Variants in RASGRF1 observed in about 807,000 individuals in gnomAD.
RASGRF1 encodes the protein Ras protein specific guanine nucleotide releasing factor 1, also known as ras-specific guanine nucleotide-releasing factor 1.
RASGRF1 carries 40 observed loss-of-function variants against 138.7 expected under a neutral mutation model. The ratio of observed to expected loss-of-function variants is 0.29; its 90% CI spans 0.22 to 0.38. RASGRF1 has a LOEUF of 0.38. Ranked by LOEUF, RASGRF1 falls within the 10% of genes least tolerant of loss-of-function variation. RASGRF1 has a pLI of 1.00. For synonymous variants in RASGRF1, 614 were observed against 663.2 expected (o/e 0.93, Z 1.14); for missense variants, 1,108 against 1,650.4 (o/e 0.67, Z 5.69).
At chr15:79,017,661 C>T in intron 12 of RASGRF1, 109 bp downstream of exon 12, 1 of 1,324,312 alleles carries the variant, frequency 7.6e-7, no homozygotes, top group Non-Finnish European at 1.0e-6. Context: ...CTCTGTAGAA[C>T]AGTGCAGCTA....
chr15:79,059,231 T>A (rs1436651692), intron 2 of RASGRF1, among the ~76,000 whole-genome samples: 1 of 103,160 alleles, frequency 9.7e-6, no homozygotes, highest in African/African-American at 4.5e-5. Flanking sequence ...ATCCTTCCCT[T>A]CCCTTCCCTT....
chr15:78,995,874 A>G (rs779617243), intron 19 of RASGRF1, 74 bp from the exon 20 acceptor site: 70 of 1,447,272 alleles, frequency 4.8e-5, no homozygotes, highest in Non-Finnish European at 6.7e-5. Flanking sequence ...GGACAGCCCC[A>G]CACGGCCTCT....
rs768938427 is a variant in RASGRF1, at chr15:79,025,386, T to G, written c.1470A>C (p.Arg490=). 11 of 1,613,950 alleles carry G rather than the reference T, an allele frequency of 6.8e-6. No individual in the cohort carries two copies. The highest frequency in any genetic ancestry group is 5.0e-5 in the Admixed American group (3 of 59,982). ...GATGCTTAGAAAACAGGAAGCACTG[T>G]CGCTCGCCCTCTTTCTTTAGGGAGA... The part of the protein sequence containing the change: ...GSLSLKKEGE[R]QCFLFSKHLI... The change falls in exon 10 of 27, where the codon CGA becomes CGC. Residue 490 remains arginine (R), a synonymous_variant. Coordinates refer to ENST00000558480, the MANE Select transcript of RASGRF1 (RefSeq NM_001145648.3).
At chr15:79,076,049 G>C (rs2057829215) in intron 1 of RASGRF1, among the ~76,000 whole-genome samples, 1 of 152,254 alleles carries the variant, frequency 6.6e-6, no homozygotes, top group African/African-American at 2.4e-5. Flanking sequence ...CATGTCAGCT[G>C]TATATGTGCT....
At chr15:79,088,571 G>T (rs1335932511) in intron 1 of RASGRF1, among the ~76,000 whole-genome samples, 3 of 152,160 alleles carry the variant, frequency 2.0e-5, no homozygotes, top group Non-Finnish European at 2.9e-5. Flanking sequence ...ATGCCAACTT[G>T]GCTTCCCCCA....
At chr15:78,980,979 TC>T in intron 23 of RASGRF1, 1 of 299,824 alleles carries the variant, frequency 3.3e-6, no homozygotes, top group Non-Finnish European at 6.2e-6. Flanking sequence ...TGCTGCAGGA[TC>T]CCGAGACCTG....
At chr15:78,984,781 T>C (rs1427843803) in intron 23 of RASGRF1, 1 of 575,894 alleles carries the variant, frequency 1.7e-6, no homozygotes, top group Non-Finnish European at 3.1e-6. Context: ...TTTGAGGTAT[T>C]AATTACTCAA....
intron 2 of RASGRF1, among the ~76,000 whole-genome samples, chr15:79,064,210 A>G (rs1202279955): frequency 6.6e-6 from 1 of 152,168 alleles, no homozygotes; most frequent in African/African-American, 2.4e-5. Flanking sequence ...AGGAGCTGCA[A>G]TACTCATGGC....
chr15:79,035,168 C>G lies in RASGRF1; in HGVS notation c.921G>C (p.Leu307=), dbSNP rs757250815. The G allele has an allele frequency of 1.2e-6, 2 of 1,613,882 alleles. No individual in the cohort carries two copies. Among genetic ancestry groups the G allele is most frequent in the Non-Finnish European group, 1.7e-6 (2 of 1,179,892 alleles). The change falls in exon 6 of 27, where the codon CTG becomes CTC. Residue 307 remains leucine (L), a synonymous_variant. Coordinates refer to ENST00000558480, the MANE Select transcript of RASGRF1 (RefSeq NM_001145648.3). ...MFLHQIFYQG[L]KARISSWPTL... ...TGGGCCAGCTGGAGATGCGGGCCTT[C>G]AGGCCTTGGTAAAAGATCTGATGTA...
intron 13 of RASGRF1, among the ~76,000 whole-genome samples, chr15:79,008,027 G>A (rs1359953599): frequency 6.6e-6 from 1 of 151,994 alleles, no homozygotes; most frequent in Non-Finnish European, 1.5e-5. Context: ...ATTCTTAGTA[G>A]AGATGGGGTT....
intron 14 of RASGRF1, chr15:79,005,613 G>A (rs1007753855): frequency 2.0e-6 from 2 of 986,984 alleles, no homozygotes; most frequent in East Asian, 2.3e-4. Flanking sequence ...CAAAGGCTAA[G>A]GTGGCCTGCA....
intron 9 of RASGRF1, among the ~76,000 whole-genome samples, chr15:79,025,876 G>C (rs1313101242): frequency 6.6e-6 from 1 of 151,438 alleles, no homozygotes; most frequent in East Asian, 1.9e-4. Flanking sequence ...AACTACTTAG[G>C]GCAAACCCTG....
chr15:79,024,389 T>TA (rs1452185179), intron 10 of RASGRF1, among the ~76,000 whole-genome samples: 3 of 150,102 alleles, frequency 2.0e-5, no homozygotes, highest in Non-Finnish European at 4.4e-5. Context: ...TATACACAAA[T>TA]ACACACATCA....
At position 79,017,641 on chromosome 15, in the gene RASGRF1, T is replaced by C. The variant is rs935500070; in HGVS notation, c.1743+129A>G. ...GTAGGGCTGTGGACTTGGAAGATTC[T>C]TGCATCTTTCTCTGTAGAACAGTGC... On this transcript the variant is annotated intron_variant, in intron 12 of 26. Transcript: ENST00000558480. 5.8e-6 allele frequency: 7 copies of C among 1,208,532 alleles called. No individual in the cohort carries two copies. The African/African-American group carries it at 1.1e-4, about 19-fold the overall frequency. 74.9% of individuals were successfully genotyped at this position (1,208,532 alleles called of 1,614,324 possible).
At chr15:79,066,978 C>T (rs2057689008) in intron 1 of RASGRF1, among the ~76,000 whole-genome samples, 1 of 152,168 alleles carries the variant, frequency 6.6e-6, no homozygotes, top group Admixed American at 6.5e-5. Context: ...CGCTCTGACC[C>T]CATCACTGCT....
chr15:79,065,424 C>A (rs2057665293), intron 1 of RASGRF1, among the ~76,000 whole-genome samples: 1 of 151,844 alleles, frequency 6.6e-6, no homozygotes, highest in African/African-American at 2.4e-5. Flanking sequence ...TGGGCAGGGA[C>A]CTGGGGTGCA....
chr15:79,002,269 A>G (rs1202256308), intron 15 of RASGRF1, among the ~76,000 whole-genome samples: 1 of 152,084 alleles, frequency 6.6e-6, no homozygotes, highest in Non-Finnish European at 1.5e-5. Flanking sequence ...CACTCTTAAA[A>G]TGTCCTGTCT....
Position 79,076,877 on chromosome 15 carries a change from G to A in RASGRF1, c.277-12351C>T, listed in dbSNP as rs189451334. Among the ~76,000 whole-genome samples, 75 of 152,336 alleles carry A rather than the reference G, an allele frequency of 4.9e-4. 1 individual carries two copies. In the East Asian group the frequency reaches 0.011, roughly 22 times the overall value. ...CGTGCCTTGGCCAGAGCACAGGGTA[G>A]CCCTGGTTGACTGAATGGGTGACTG... is the stretch of plus-strand genomic sequence containing the variant. On this transcript the variant is annotated intron_variant, in intron 1 of 26. Coordinates refer to ENST00000558480, the MANE Select transcript of RASGRF1 (RefSeq NM_001145648.3).
At chr15:79,066,052 A>G (rs1302934074) in intron 1 of RASGRF1, among the ~76,000 whole-genome samples, 1 of 152,006 alleles carries the variant, frequency 6.6e-6, no homozygotes, top group Non-Finnish European at 1.5e-5. Flanking sequence ...ACAGCCTCAA[A>G]TAACTGAATC....
Sources: allele counts gnomAD v4.1 joint callset (sites outside exome capture counted in the v4.1 genomes callset), GRCh38; gene constraint gnomAD v4.1.1; transcripts MANE v1.5; gene names NCBI Gene and HGNC (gene_info 2026-07-23, HGNC 2026-07-21).